Variants in DDC observed in about 807,000 individuals in gnomAD.
The protein encoded by DDC is dopa decarboxylase.
DDC carries 43 observed loss-of-function variants against 60.0 expected under a neutral mutation model. The observed-to-expected ratio is 0.72, with a 90% CI of 0.56 to 0.92. The LOEUF (loss-of-function observed/expected upper bound fraction) is 0.92. Ranked by LOEUF, DDC falls within the 40% of genes least tolerant of loss-of-function variation. DDC has a pLI of 0.00. For missense variants in DDC, 573 were observed against 620.2 expected, an observed-to-expected ratio of 0.92 and a Z score of 0.81; for synonymous variants, 232 against 234.6, an observed-to-expected ratio of 0.99 and a Z score of 0.10.
chr7:50,515,192 A>C (rs2043694012), intron 6 of DDC, among the ~76,000 whole-genome samples: 1 of 152,362 alleles, frequency 6.6e-6, no homozygotes, highest in East Asian at 1.9e-4. Flanking sequence ...AAAACCTATC[A>C]GATTAACAGC....
At chr7:50,524,407 A>G (rs1011540786) in intron 6 of DDC, among the ~76,000 whole-genome samples, 2 of 152,216 alleles carry the variant, frequency 1.3e-5, no homozygotes, top group Non-Finnish European at 2.9e-5. Context: ...ATAAGAAGGT[A>G]TATGTTCTTC....
rs201345722 is a variant in DDC at position 50,539,894 on chromosome 7, G to A, written c.315+21C>T. ...CCCACCACAGCCAGGACCCCTTCCC[G>A]AGGTGCATCCGGACCCTCACCCAGG... On this transcript the variant is annotated intron_variant, in intron 3 of 14. Coordinates refer to ENST00000444124, the MANE Select transcript of DDC (RefSeq NM_001082971.2). 1.4e-3 allele frequency: 2,198 copies of A among 1,593,144 alleles called. 9 individuals are homozygous for A. Among genetic ancestry groups the A allele is most frequent in the Non-Finnish European group, 1.2e-3 (1,445 of 1,161,856 alleles).
At chr7:50,559,395 A>G (rs2045282688) in intron 1 of DDC, among the ~76,000 whole-genome samples, 1 of 151,252 alleles carries the variant, frequency 6.6e-6, no homozygotes, top group Non-Finnish European at 1.5e-5. Flanking sequence ...AATGCCAACA[A>G]GCACCAGATA....
intron 9 of DDC, among the ~76,000 whole-genome samples, chr7:50,480,148 G>T (rs1002953205): frequency 6.6e-6 from 1 of 152,246 alleles, no homozygotes; most frequent in Admixed American, 6.5e-5. Context: ...ATAGCTGGCA[G>T]CTGGGGTCTC....
chr7:50,480,910 C>T (rs771547531), intron 9 of DDC, among the ~76,000 whole-genome samples: 9 of 152,152 alleles, frequency 5.9e-5, no homozygotes, highest in Non-Finnish European at 7.3e-5. Context: ...AGAACTCGGA[C>T]GCAAACTCTC....
chr7:50,524,165 A>G (rs1005466946), intron 6 of DDC, among the ~76,000 whole-genome samples: 12 of 152,196 alleles, frequency 7.9e-5, no homozygotes, highest in Admixed American at 2.6e-4. Flanking sequence ...AAGTGGAGGG[A>G]GAGAGGGATA....
chr7:50,554,653 G>A (rs1426651325), intron 1 of DDC, among the ~76,000 whole-genome samples: 2 of 152,192 alleles, frequency 1.3e-5, no homozygotes, highest in African/African-American at 4.8e-5. Context: ...TGAGATAACA[G>A]TCAGGGACTA....
rs2043976449 is a variant in DDC, at chr7:50,524,172, G to A, written c.714+3965C>T. 1.3e-5 allele frequency among the ~76,000 whole-genome samples: 2 copies of A among 152,188 alleles called. 1 individual carries two copies. The highest frequency in any genetic ancestry group is 4.1e-4 in the South Asian group (2 of 4,828). On this transcript the variant is annotated intron_variant, in intron 6 of 14. Transcript: ENST00000444124. ...AGTGGTTCAAGTGGAGGGAGAGAGG[G>A]ATAAACAGGTGGAGCACAGGGGATT...
chr7:50,510,269 C>T (rs2043516453), intron 6 of DDC, among the ~76,000 whole-genome samples: 1 of 152,176 alleles, frequency 6.6e-6, no homozygotes, highest in African/African-American at 2.4e-5. Flanking sequence ...GCCACCGCAC[C>T]TGGCCACTTA....
intron 9 of DDC, among the ~76,000 whole-genome samples, chr7:50,481,497 C>T (rs114231037): frequency 0.013 from 2,014 of 152,290 alleles, 50 homozygotes; most frequent in African/African-American, 0.046. Context: ...AAAGATCACA[C>T]TTTCCCTTCT....
chr7:50,509,940 C>T (rs1011755448), intron 6 of DDC, among the ~76,000 whole-genome samples: 12 of 152,042 alleles, frequency 7.9e-5, no homozygotes, highest in Non-Finnish European at 1.3e-4. Context: ...TAAATTTTCT[C>T]ATTTACTTAT....
At position 50,499,703 on chromosome 7, in the gene DDC, C is replaced by T. The variant is rs527417333; in HGVS notation, c.782-461G>A. Among the ~76,000 whole-genome samples the T allele has an allele frequency of 1.2e-4, 19 of 152,330 alleles. 1 individual carries two copies. The South Asian group carries it at 2.7e-3, about 22-fold the overall frequency. ...ACCTCTACCTGCCCCACTCCATCCC[C>T]ACCACCAGGTGAAGTTCTTTACTTT... On this transcript the variant is annotated intron_variant, in intron 7 of 14. Coordinates refer to ENST00000444124, the MANE Select transcript of DDC (RefSeq NM_001082971.2).
chr7:50,464,561 T>C lies in DDC; in HGVS notation c.1243-1130A>G, dbSNP rs74836582. Among the ~76,000 whole-genome samples, 455 of 152,318 alleles carry C rather than the reference T, an allele frequency of 3.0e-3. 4 individuals carry two copies. Among genetic ancestry groups the C allele is most frequent in the African/African-American group, 0.01 (420 of 41,574 alleles). ...TATGAGAGCAAACATCTGCAAAGTA[T>C]AGAGCACAGAAAATGGAAGCAAATT... is the stretch of plus-strand genomic sequence containing the variant. On this transcript the variant is annotated intron_variant, in intron 13 of 14. Coordinates refer to ENST00000444124, the MANE Select transcript of DDC (RefSeq NM_001082971.2).
chr7:50,526,999 A>G (rs1381127708), intron 6 of DDC, among the ~76,000 whole-genome samples: 2 of 129,278 alleles, frequency 1.5e-5, no homozygotes, highest in Admixed American at 1.5e-4. Context: ...GGAAATAGAC[A>G]TATCTACACT....
In DDC at chr7:50,565,364, G is replaced by A. The variant is rs552619158; in HGVS notation, c.-108C>T. The A allele has an allele frequency of 6.6e-6, 1 of 152,354 alleles. No homozygotes were observed. Among genetic ancestry groups the A allele is most frequent in the East Asian group, 1.9e-4 (1 of 5,192 alleles). The allele number at this position is 152,354 out of a possible 1,614,324, so 9.4% of individuals were successfully genotyped here. ...CTTTGGGGACTGAAGAGCATGTGGAGAAGCTGCTGAGGCACTCGGCACTGA... is the reference window on the plus strand; with the variant it reads ...CTTTGGGGACTGAAGAGCATGTGGAAAAGCTGCTGAGGCACTCGGCACTGA... On this transcript the variant is annotated 5_prime_UTR_variant, in exon 1 of 15. Coordinates refer to ENST00000444124, the MANE Select transcript of DDC (RefSeq NM_001082971.2).
At position 50,528,532 on chromosome 7, in the gene DDC, T is replaced by G. The variant is rs530762360; in HGVS notation, c.571-252A>C. Among the ~76,000 whole-genome samples the G allele has an allele frequency of 3.3e-5, 5 of 152,292 alleles. No individual in the cohort carries two copies. The South Asian group carries it at 1.0e-3, about 32-fold the overall frequency. On this transcript the variant is annotated intron_variant, in intron 5 of 14. Coordinates refer to ENST00000444124, the MANE Select transcript of DDC (RefSeq NM_001082971.2). ...TCAGGCACTAACAAGGGTAAAGTGC[T>G]GGGTCAATATTTATGAAGTTTTTCA...
chr7:50,548,851 C>T (rs193271566), intron 1 of DDC, among the ~76,000 whole-genome samples: 8 of 152,288 alleles, frequency 5.3e-5, no homozygotes, highest in East Asian at 1.9e-4. Flanking sequence ...AGTCAATGCC[C>T]GGCTTCAAAA....
intron 6 of DDC, among the ~76,000 whole-genome samples, chr7:50,521,933 G>C (rs189990683): frequency 1.1e-4 from 16 of 152,036 alleles, no homozygotes; most frequent in Non-Finnish European, 1.9e-4. Context: ...TTCAGCTAAT[G>C]CAATAAGACA....
intron 6 of DDC, among the ~76,000 whole-genome samples, chr7:50,519,614 C>T (rs1356941724): frequency 6.6e-6 from 1 of 152,132 alleles, no homozygotes; most frequent in African/African-American, 2.4e-5. Context: ...AGATTGGACA[C>T]ATTCTAAGTG....
Sources: allele counts gnomAD v4.1 joint callset (sites outside exome capture counted in the v4.1 genomes callset), GRCh38; gene constraint gnomAD v4.1.1; transcripts MANE v1.5; gene names NCBI Gene and HGNC (gene_info 2026-07-23, HGNC 2026-07-21).